The following EPHB1 variants were observed in gnomAD, a reference collection of about 807,000 sequenced individuals.
EPHB1 encodes the protein EPH receptor B1.
EPHB1 carries 30 observed loss-of-function variants against 94.4 expected under a neutral mutation model. The ratio of observed to expected loss-of-function variants is 0.32; its 90% CI spans 0.24 to 0.43. The LOEUF is 0.43. Among genes scored for constraint, EPHB1 ranks in the 20% least tolerant of loss-of-function variants. The pLI, the probability that EPHB1 is intolerant of heterozygous loss-of-function variation, is 1.00. For synonymous variants in EPHB1, 522 were observed against 489.1 expected (o/e 1.07, Z -0.89); for missense variants, 1,055 against 1,308.3 (o/e 0.81, Z 2.99).
intron 13 of EPHB1, 76 bp downstream of exon 13, chr3:135,241,373 C>A: frequency 6.4e-7 from 1 of 1,567,984 alleles, no homozygotes; most frequent in Non-Finnish European, 8.7e-7. Context: ...CCAATTCCTC[C>A]TGTTTTCAGC....
chr3:135,244,593 A>G (rs936375037), intron 13 of EPHB1, among the ~76,000 whole-genome samples: 1 of 152,202 alleles, frequency 6.6e-6, no homozygotes, highest in Non-Finnish European at 1.5e-5. Context: ...CCATCATCAC[A>G]TGGCCAGAAT....
chr3:135,050,183 G>A (rs899037515), intron 3 of EPHB1, among the ~76,000 whole-genome samples: 4 of 152,296 alleles, frequency 2.6e-5, no homozygotes, highest in Middle Eastern at 3.4e-3. Context: ...ATGGATGGCC[G>A]ATTGAGGGGA....
rs1440846816 is a variant in EPHB1 at position 135,162,003 on chromosome 3, C to G, written c.1423-15C>G. On this transcript the variant is annotated splice_polypyrimidine_tract_variant and intron_variant, in intron 6 of 15. Coordinates refer to ENST00000398015, the MANE Select transcript of EPHB1 (RefSeq NM_004441.5). ...CAGGAATGGGATAGTGACCCTTTCC[C>G]TTGCTTTCTTTTAGGAACACAATGA... 1 of 1,598,716 alleles carries G rather than the reference C, an allele frequency of 6.3e-7. No homozygotes were observed.
At chr3:135,096,284 T>A (rs916416115) in intron 3 of EPHB1, among the ~76,000 whole-genome samples, 52 of 152,228 alleles carry the variant, frequency 3.4e-4, no homozygotes, top group African/African-American at 1.3e-3. Context: ...GGTCAAAGTT[T>A]AAATAACTTG....
intron 10 of EPHB1, among the ~76,000 whole-genome samples, chr3:135,189,007 A>C (rs1376917344): frequency 6.6e-6 from 1 of 152,222 alleles, no homozygotes; most frequent in Non-Finnish European, 1.5e-5. Context: ...TGCCCTACCC[A>C]AAGAAGGCAT....
chr3:135,128,025 C>A (rs920167813), intron 4 of EPHB1, among the ~76,000 whole-genome samples: 1 of 152,200 alleles, frequency 6.6e-6, no homozygotes, highest in African/African-American at 2.4e-5. Flanking sequence ...AGAATGCATT[C>A]ATCAGAAGTA....
chr3:135,064,010 A>G (rs1937549360), intron 3 of EPHB1, among the ~76,000 whole-genome samples: 1 of 152,096 alleles, frequency 6.6e-6, no homozygotes, highest in South Asian at 2.1e-4. Context: ...TGACTTGTGT[A>G]TGTTAAACCA....
intron 12 of EPHB1, among the ~76,000 whole-genome samples, chr3:135,240,146 C>A (rs1160459597): frequency 1.3e-5 from 2 of 152,180 alleles, no homozygotes; most frequent in African/African-American, 4.8e-5. Flanking sequence ...CTCATCTTCA[C>A]CTTCCCTCAC....
At chr3:134,983,804 C>T (rs1424346089) in intron 3 of EPHB1, among the ~76,000 whole-genome samples, 1 of 152,180 alleles carries the variant, frequency 6.6e-6, no homozygotes, top group Non-Finnish European at 1.5e-5. Context: ...AGGCAGTGAC[C>T]CAAAACCTCA....
chr3:135,234,732 AG>A (rs1943609002), intron 12 of EPHB1, among the ~76,000 whole-genome samples: 1 of 152,214 alleles, frequency 6.6e-6, no homozygotes, highest in South Asian at 2.1e-4. Flanking sequence ...GGTGGCAGGA[AG>A]GAGAAGTGCT....
intron 3 of EPHB1, among the ~76,000 whole-genome samples, chr3:135,032,697 A>G (rs1423884848): frequency 6.6e-6 from 1 of 152,228 alleles, no homozygotes; most frequent in Non-Finnish European, 1.5e-5. Context: ...TGAAGTTAGT[A>G]TCCAGATATC....
chr3:135,027,144 A>T (rs1329140561), intron 3 of EPHB1, among the ~76,000 whole-genome samples: 2 of 150,326 alleles, frequency 1.3e-5, no homozygotes, highest in Non-Finnish European at 3.0e-5. Flanking sequence ...TACATATACA[A>T]TCATGTCATC....
At chr3:134,983,913 C>T (rs766834770) in intron 3 of EPHB1, among the ~76,000 whole-genome samples, 1 of 152,148 alleles carries the variant, frequency 6.6e-6, no homozygotes, top group African/African-American at 2.4e-5. Context: ...ATCTTTGGTC[C>T]CCGCAATTCA....
chr3:134,868,592 A>T (rs1173844716), intron 1 of EPHB1, among the ~76,000 whole-genome samples: 2 of 152,338 alleles, frequency 1.3e-5, no homozygotes, highest in East Asian at 3.9e-4. Flanking sequence ...GAAGAGGGAA[A>T]GGATCTCAGA....
At chr3:134,999,492 C>G (rs1023433396) in intron 3 of EPHB1, among the ~76,000 whole-genome samples, 3 of 152,126 alleles carry the variant, frequency 2.0e-5, no homozygotes, top group African/African-American at 7.2e-5. Flanking sequence ...GGGCCCCAAG[C>G]AAGGAAAGTG....
chr3:135,126,909 G>T (rs1940230574), intron 4 of EPHB1, among the ~76,000 whole-genome samples: 1 of 152,130 alleles, frequency 6.6e-6, no homozygotes, highest in African/African-American at 2.4e-5. Flanking sequence ...TCAAGAAAGG[G>T]TGGCTGAATT....
Position 134,951,375 on chromosome 3 carries a change from A to T in EPHB1, c.128A>T (p.Glu43Val). 1.3e-6 allele frequency: 2 copies of T among 1,560,080 alleles called. No individual in the cohort carries two copies. The highest frequency in any genetic ancestry group is 1.2e-5 in the South Asian group (1 of 81,502). The change falls in exon 3 of 16, where the codon GAA (glutamate) becomes GTA (valine). Residue 43 changes from glutamate (E) to valine (V), a missense_variant. Glu to Val is a moderately radical substitution (Grantham distance 121). Coordinates refer to ENST00000398015, the MANE Select transcript of EPHB1 (RefSeq NM_004441.5). This position sits in a 1 kb window ranked among gnomAD's most constrained non-coding sequence, Gnocchi z 4.5. The stretch of plus-strand genomic sequence containing the variant: ...CCTGTGGCCTGCTATGTACAGTGGG[A>T]AGAAGTCAGTGGCTACGATGAAAAC... Reference protein sequence around the residue: ...GWTANPASGWEEVSGYDENLN... With the variant: ...GWTANPASGWVEVSGYDENLN...
chr3:135,200,349 G>A (rs2107712607), intron 11 of EPHB1, among the ~76,000 whole-genome samples: 1 of 152,250 alleles, frequency 6.6e-6, no homozygotes, highest in South Asian at 2.1e-4. Flanking sequence ...TAGGAGAGAG[G>A]ACAGCACTGC....
At chr3:134,819,690 A>G (rs2036344156) in intron 1 of EPHB1, among the ~76,000 whole-genome samples, 1 of 152,130 alleles carries the variant, frequency 6.6e-6, no homozygotes, top group African/African-American at 2.4e-5. Flanking sequence ...GTGCCTCCCC[A>G]GGCTGCTCAG....
Sources: gnomAD v4.1 joint callset for allele counts (sites outside exome capture counted in the v4.1 genomes callset) on GRCh38, gnomAD v4.1.1 for gene constraint, Gnocchi (gnomAD v3.1) non-coding constraint, MANE v1.5 for transcripts, NCBI Gene and HGNC (gene_info 2026-07-23, HGNC 2026-07-21) for gene names.